The following NSUN6 variants were observed in gnomAD, a reference collection of about 807,000 sequenced individuals.
The protein encoded by NSUN6 is NOP2/Sun RNA methyltransferase 6.
A neutral mutation model predicts 58.0 loss-of-function variants in NSUN6; 64 were observed. That is an observed-to-expected ratio of 1.10 (90% confidence interval 0.90 to 1.36). NSUN6 has a LOEUF of 1.36. Among genes scored for constraint, NSUN6 ranks in the 40% most tolerant of loss-of-function variants. The pLI, the probability that NSUN6 is intolerant of heterozygous loss-of-function variation, is 0.00. For missense variants in NSUN6, 701 were observed against 550.1 expected, an observed-to-expected ratio of 1.27 and a Z score of -2.74; for synonymous variants, 231 against 193.9, an observed-to-expected ratio of 1.19 and a Z score of -1.59.
chr10:18,620,927 G>T (rs28633741), intron 3 of NSUN6, among the ~76,000 whole-genome samples: 7 of 152,168 alleles, frequency 4.6e-5, no homozygotes, highest in Non-Finnish European at 1.0e-4. Flanking sequence ...TAACATGGAG[G>T]GGAAAGGATG....
intron 8 of NSUN6, among the ~76,000 whole-genome samples, chr10:18,574,285 G>A (rs1347058326): frequency 1.3e-5 from 2 of 152,062 alleles, no homozygotes; most frequent in South Asian, 2.1e-4. Flanking sequence ...CACCAAGTTA[G>A]AACTACGTTA....
intron 2 of NSUN6, among the ~76,000 whole-genome samples, chr10:18,642,974 T>G (rs538953623): frequency 9.2e-5 from 14 of 152,208 alleles, no homozygotes; most frequent in African/African-American, 3.1e-4. Context: ...TCAGCTTTGG[T>G]GAGGAAAAGA....
intron 8 of NSUN6, among the ~76,000 whole-genome samples, chr10:18,555,333 G>A (rs1250206565): frequency 6.6e-6 from 1 of 151,380 alleles, no homozygotes; most frequent in African/African-American, 2.4e-5. Flanking sequence ...AGAATGGAAT[G>A]GAATAGAGAA....
At chr10:18,642,659 G>C in intron 2 of NSUN6, 104 bp from the exon 3 acceptor site, 1 of 588,908 alleles carries the variant, frequency 1.7e-6, no homozygotes, top group Non-Finnish European at 3.1e-6. Flanking sequence ...AGCCCTAGTA[G>C]CTCTGGGGCA....
intron 3 of NSUN6, among the ~76,000 whole-genome samples, chr10:18,637,489 G>A (rs1408702228): frequency 2.6e-5 from 4 of 152,122 alleles, no homozygotes; most frequent in Non-Finnish European, 4.4e-5. Context: ...AACTAAAATG[G>A]CCAGTACTGG....
At chr10:18,655,864 G>T (rs2059771794), upstream of NSUN6, among the ~76,000 whole-genome samples, 1 of 152,184 alleles carries the variant, frequency 6.6e-6, no homozygotes, top group African/African-American at 2.4e-5. Context: ...AATGTAGGAA[G>T]GCTGGTGACA....
chr10:18,550,181 A>G (rs761099911), intron 9 of NSUN6, among the ~76,000 whole-genome samples: 6 of 152,236 alleles, frequency 3.9e-5, no homozygotes, highest in Non-Finnish European at 8.8e-5. Context: ...CTGTGACCTA[A>G]TAAGAACAGA....
At chr10:18,625,557 AC>A (rs1387707152) in intron 3 of NSUN6, among the ~76,000 whole-genome samples, 3 of 151,840 alleles carry the variant, frequency 2.0e-5, no homozygotes, top group Admixed American at 6.6e-5. Flanking sequence ...TACTAAAAAT[AC>A]AAAAGTCAGC....
In NSUN6 at chr10:18,545,979, G is replaced by C. The variant is rs771314234; in HGVS notation, c.1364C>G (p.Ser455Cys). 13 of 1,583,696 alleles carry C rather than the reference G, an allele frequency of 8.2e-6. No individual in the cohort carries two copies. The highest frequency in any genetic ancestry group is 2.8e-5 in the African/African-American group (2 of 72,376). Residue 455 changes from serine (S) to cysteine (C), a missense_variant, in exon 11 of 11, where the codon TCT becomes TGT. By Grantham distance (112) the Ser-to-Cys change is moderately radical. Coordinates refer to ENST00000377304, the MANE Select transcript of NSUN6 (RefSeq NM_182543.5). ...EDMLRLANKDSIGFFIAKFVK... is the reference protein window; with the variant it reads ...EDMLRLANKDCIGFFIAKFVK... ...AAATTTTGCAATAAAAAAACCTATA[G>C]AGTCCTTATTAGCCAGACGCAACAT... is the stretch of plus-strand genomic sequence containing the variant.
At chr10:18,642,998 G>C (rs1375171708) in intron 2 of NSUN6, among the ~76,000 whole-genome samples, 4 of 152,110 alleles carry the variant, frequency 2.6e-5, no homozygotes, top group Middle Eastern at 3.4e-3. Flanking sequence ...GTTTATGGTA[G>C]AGGTTTGGGA....
chr10:18,590,351 A>G (rs1476455752), intron 7 of NSUN6, among the ~76,000 whole-genome samples: 1 of 152,196 alleles, frequency 6.6e-6, no homozygotes, highest in African/African-American at 2.4e-5. Context: ...GATCAATGAG[A>G]CAGAAAATTA....
Position 18,596,334 on chromosome 10 carries a change from G to A in NSUN6, c.658-7C>T. On this transcript the variant is annotated splice_region_variant and splice_polypyrimidine_tract_variant and intron_variant, in intron 6 of 10. Coordinates refer to ENST00000377304, the MANE Select transcript of NSUN6 (RefSeq NM_182543.5). ...CTAAGGCAGATGGCAAATTCTATAAGGAAAAAAATGTAATCGATTATCAAT... is the reference window on the plus strand; with the variant it reads ...CTAAGGCAGATGGCAAATTCTATAAAGAAAAAAATGTAATCGATTATCAAT... 6.5e-7 allele frequency: 1 copy of A among 1,534,934 alleles called. No homozygotes were observed. Among genetic ancestry groups the A allele is most frequent in the South Asian group, 1.1e-5 (1 of 88,092 alleles).
chr10:18,644,199 T>G (rs1434487648), intron 2 of NSUN6, among the ~76,000 whole-genome samples: 1 of 152,190 alleles, frequency 6.6e-6, no homozygotes, highest in Non-Finnish European at 1.5e-5. Flanking sequence ...TATCTTTCTT[T>G]CTCTATAAAT....
At chr10:18,579,339 T>G (rs1158344287) in intron 8 of NSUN6, among the ~76,000 whole-genome samples, 1 of 151,968 alleles carries the variant, frequency 6.6e-6, no homozygotes. Context: ...TCCAGCTAAT[T>G]TTTTGTATTT....
intron 8 of NSUN6, among the ~76,000 whole-genome samples, chr10:18,576,699 G>A (rs2056665756): frequency 6.6e-6 from 1 of 152,134 alleles, no homozygotes; most frequent in African/African-American, 2.4e-5. Flanking sequence ...ATTCCTTGGA[G>A]ACCGGAAGGG....
rs535742215 is a variant in NSUN6 at position 18,564,830 on chromosome 10, A to T, written c.923-12859T>A. Reference sequence around the variant, plus strand: ...CATTCCATTATTCAATTCATTCTCCATTCAATTCTATTCCATTCTCCATTC... The same window carrying T: ...CATTCCATTATTCAATTCATTCTCCTTTCAATTCTATTCCATTCTCCATTC... On this transcript the variant is annotated intron_variant, in intron 8 of 10. Transcript: ENST00000377304. Among the ~76,000 whole-genome samples, 78 of 140,228 alleles carry T rather than the reference A, an allele frequency of 5.6e-4. 1 individual carries two copies. Among genetic ancestry groups the T allele is most frequent in the African/African-American group, 2.1e-3 (77 of 36,958 alleles). 92.0% of individuals were successfully genotyped at this position (140,228 alleles called of 152,430 possible). A position where few individuals can be genotyped will look rare whatever the true frequency, so the allele number is the denominator to read the frequency against.
chr10:18,634,784 A>AAAAC (rs1373675144), intron 3 of NSUN6, among the ~76,000 whole-genome samples: 1 of 151,928 alleles, frequency 6.6e-6, no homozygotes, highest in Non-Finnish European at 1.5e-5. Flanking sequence ...AAAACAAAAC[A>AAAAC]AAAAACAAAC....
chr10:18,634,844 GA>G lies in NSUN6; in HGVS notation c.311+7631del, dbSNP rs879936590. 5.4e-3 allele frequency among the ~76,000 whole-genome samples: 807 copies of G among 148,728 alleles called. 5 individuals are homozygous for G. Among genetic ancestry groups the G allele is most frequent in the African/African-American group, 0.016 (650 of 40,684 alleles). On this transcript the variant is annotated intron_variant, in intron 3 of 10. Coordinates refer to ENST00000377304, the MANE Select transcript of NSUN6 (RefSeq NM_182543.5). The stretch of plus-strand genomic sequence containing the variant: ...AATGGAGTTGAAAAATGTGTTAACA[GA>G]AAAAAAAAAGTTAAAGTAACAGGCT...
chr10:18,651,829 C>T (rs2059715537), upstream of NSUN6: 1 of 985,448 alleles, frequency 1.0e-6, no homozygotes, highest in Non-Finnish European at 1.2e-6. Context: ...ATTTAGTTCC[C>T]GGTACCGGAG....
Sources: gnomAD v4.1 joint callset for allele counts (sites outside exome capture counted in the v4.1 genomes callset) on GRCh38, gnomAD v4.1.1 for gene constraint, MANE v1.5 for transcripts, NCBI Gene and HGNC (gene_info 2026-07-23, HGNC 2026-07-21) for gene names.